Variants in ABCB11 observed in about 807,000 individuals in gnomAD.
ABCB11 encodes the protein ATP binding cassette subfamily B member 11, also known as bile salt export pump.
In ABCB11, 95 loss-of-function variants were observed where a neutral mutation model predicts 148.0. The observed-to-expected ratio is 0.64, with a 90% confidence interval of 0.54 to 0.76. The LOEUF is 0.76. Among genes scored for constraint, ABCB11 ranks in the 30% least tolerant of loss-of-function variants. The pLI, the probability that ABCB11 is intolerant of heterozygous loss-of-function variation, is 0.00. For synonymous variants in ABCB11, 591 were observed against 555.4 expected, an observed-to-expected ratio of 1.06 and a Z score of -0.90; for missense variants, 1,523 against 1,617.8, an observed-to-expected ratio of 0.94 and a Z score of 1.01.
downstream of ABCB11, among the ~76,000 whole-genome samples, chr2:168,919,901 C>CTT (rs1691026095): frequency 6.6e-6 from 1 of 151,466 alleles, no homozygotes; most frequent in Non-Finnish European, 1.5e-5. Flanking sequence ...GAGACAAGGT[C>CTT]TTGCTCTGTT....
chr2:168,990,700 C>T, intron 9 of ABCB11, 101 bp downstream of exon 9: 1 of 1,468,782 alleles, frequency 6.8e-7, no homozygotes, highest in Non-Finnish European at 9.4e-7. Flanking sequence ...CTCTGGAGGC[C>T]ACAGACCAAG....
downstream of ABCB11, among the ~76,000 whole-genome samples, chr2:168,915,939 T>C (rs553025924): frequency 2.6e-5 from 4 of 152,324 alleles, no homozygotes; most frequent in African/African-American, 9.6e-5. Flanking sequence ...TAGTGACTTA[T>C]CACCTACATA....
At chr2:169,007,942 C>T (rs976267469) in intron 5 of ABCB11, among the ~76,000 whole-genome samples, 3 of 152,118 alleles carry the variant, frequency 2.0e-5, no homozygotes, top group Non-Finnish European at 4.4e-5. Context: ...AATCAGTAGA[C>T]ATATATCCCA....
chr2:168,978,307 G>T (rs557716872), intron 11 of ABCB11, among the ~76,000 whole-genome samples: 26 of 151,398 alleles, frequency 1.7e-4, no homozygotes, highest in Admixed American at 1.4e-3. Context: ...CACCACACCC[G>T]GCTACTTTTT....
intron 8 of ABCB11, among the ~76,000 whole-genome samples, chr2:168,991,852 T>A (rs777883938): frequency 1.3e-3 from 192 of 144,108 alleles, no homozygotes; most frequent in Non-Finnish European, 2.2e-3. Flanking sequence ...TTTTTTTTTT[T>A]AAAGAGACGG....
At chr2:169,005,515 C>T (rs1190923726) in intron 5 of ABCB11, among the ~76,000 whole-genome samples, 1 of 152,096 alleles carries the variant, frequency 6.6e-6, no homozygotes, top group Admixed American at 6.5e-5. Context: ...TGCTCCCACT[C>T]AGCCCGCAGT....
chr2:169,017,875 T>C (rs1015047220), intron 2 of ABCB11, 175 bp downstream of exon 2: 4 of 766,186 alleles, frequency 5.2e-6, no homozygotes, highest in Non-Finnish European at 9.6e-6. Context: ...CTTTCAGATA[T>C]TACGTTACAT....
At chr2:169,011,946 T>A (rs567345735) in intron 5 of ABCB11, among the ~76,000 whole-genome samples, 1 of 152,292 alleles carries the variant, frequency 6.6e-6, no homozygotes, top group South Asian at 2.1e-4. Context: ...ATTACAGGCA[T>A]GAGCCACCAT....
chr2:168,949,406 A>C (rs1361779620), intron 19 of ABCB11, among the ~76,000 whole-genome samples: 2 of 151,334 alleles, frequency 1.3e-5, no homozygotes, highest in Non-Finnish European at 3.0e-5. Context: ...CTGTATGTCT[A>C]TGTTTACCCA....
chr2:168,969,474 A>G lies in ABCB11; in HGVS notation c.1887T>C (p.Phe629=), dbSNP rs1259342035. Residue 629 remains phenylalanine (F), a synonymous_variant, in exon 16 of 28, where the codon TTT becomes TTC. Transcript: ENST00000650372. Reference sequence around the variant, plus strand: ...CTCTTTCCACTGCAGTGCCATGTTCAAAACCAATGATGGTATCTGCAGCTC... The same window carrying G: ...CTCTTTCCACTGCAGTGCCATGTTCGAAACCAATGATGGTATCTGCAGCTC... ...TVRAADTIIG[F]EHGTAVERGT... 1 of 1,612,602 alleles carries G rather than the reference A, an allele frequency of 6.2e-7. No individual in the cohort carries two copies. The highest frequency in any genetic ancestry group is 1.7e-5 in the Admixed American group (1 of 59,828).
At chr2:168,980,057 T>A in intron 10 of ABCB11, 78 bp from the exon 11 acceptor site, 1 of 800,794 alleles carries the variant, frequency 1.2e-6, no homozygotes. Context: ...GGGTCTTCCA[T>A]GTTAACGCAG....
chr2:168,946,950 A>G (rs1405504057), intron 19 of ABCB11, among the ~76,000 whole-genome samples: 1 of 151,720 alleles, frequency 6.6e-6, no homozygotes, highest in African/African-American at 2.4e-5. Context: ...GCATCTCTCT[A>G]TCCATAATCT....
Position 168,993,178 on chromosome 2 carries a change from C to T in ABCB11, c.783+533G>A, listed in dbSNP as rs144258382. On this transcript the variant is annotated intron_variant, in intron 8 of 27. Coordinates refer to ENST00000650372, the MANE Select transcript of ABCB11 (RefSeq NM_003742.4). ...GAAATGGAGAACACAGTTGTGATTG[C>T]AGAAATCCTTCTTGTGTGCTTGTTA... 2.4e-3 allele frequency among the ~76,000 whole-genome samples: 359 copies of T among 152,088 alleles called. 2 individuals carry two copies. Among genetic ancestry groups the T allele is most frequent in the African/African-American group, 8.2e-3 (340 of 41,508 alleles).
chr2:168,916,204 A>G (rs1343179896), downstream of ABCB11, among the ~76,000 whole-genome samples: 3 of 152,362 alleles, frequency 2.0e-5, no homozygotes, highest in Non-Finnish European at 4.4e-5. Flanking sequence ...TATAATAATC[A>G]TAGGCACTTG....
At chr2:168,932,664 A>C (rs763666911) in intron 23 of ABCB11, 131 bp from the exon 24 acceptor site, 74 of 1,119,288 alleles carry the variant, frequency 6.6e-5, no homozygotes, top group Non-Finnish European at 8.7e-5. Context: ...AAGTCACTTC[A>C]GACTTGTCTG....
At chr2:168,991,835 CTTT>C (rs72146229) in intron 8 of ABCB11, among the ~76,000 whole-genome samples, 7 of 128,272 alleles carry the variant, frequency 5.5e-5, no homozygotes, top group Admixed American at 8.0e-5. Context: ...GAAAGTGAGG[CTTT>C]TTTTTTTTTT....
At position 169,013,492 on chromosome 2, in the gene ABCB11, T is replaced by C. The variant is rs1162280787; in HGVS notation, c.169A>G (p.Thr57Ala). The part of the protein sequence containing the change: ...FFQLFRFSSS[T>A]DIWLMFVGSL... ...CCCACAAACATCAGCCAAATGTCAG[T>C]TGATGAAGAAAACCGAAACTTGAAA... is the stretch of plus-strand genomic sequence containing the variant. The change falls in exon 5 of 28, where the codon ACT becomes GCT. Residue 57 changes from threonine to alanine, a missense_variant. By Grantham distance (58) the Thr-to-Ala change is moderately conservative. Coordinates refer to ENST00000650372, the MANE Select transcript of ABCB11 (RefSeq NM_003742.4). The C allele has an allele frequency of 3.1e-6, 5 of 1,612,990 alleles. No homozygotes were observed. In the East Asian group the frequency reaches 8.9e-5, roughly 29 times the overall value.
At chr2:168,980,617 T>C (rs1694102175) in intron 10 of ABCB11, among the ~76,000 whole-genome samples, 1 of 152,170 alleles carries the variant, frequency 6.6e-6, no homozygotes, top group Non-Finnish European at 1.5e-5. Flanking sequence ...CAATTTGCAC[T>C]AGGTTACAAC....
intron 19 of ABCB11, among the ~76,000 whole-genome samples, chr2:168,956,642 C>G (rs140309887): frequency 6.6e-6 from 1 of 151,536 alleles, no homozygotes; most frequent in Non-Finnish European, 1.5e-5. Context: ...TCTCCCCTCT[C>G]TCTCCTTGAA....
Sources: gnomAD v4.1 joint callset for allele counts (sites outside exome capture counted in the v4.1 genomes callset) on GRCh38, gnomAD v4.1.1 for gene constraint, MANE v1.5 for transcripts, NCBI Gene and HGNC (gene_info 2026-07-23, HGNC 2026-07-21) for gene names.